SPHKAP: variants seen among roughly 807,000 people sequenced by gnomAD.
SPHKAP encodes A-kinase anchor protein SPHKAP.
A neutral mutation model predicts 137.5 loss-of-function variants in SPHKAP; 67 were observed. That is an observed-to-expected ratio of 0.49 (90% CI 0.40 to 0.60). The LOEUF (loss-of-function observed/expected upper bound fraction) is 0.60, where lower values mean the gene tolerates loss of function less well. Ranked by LOEUF, SPHKAP falls within the 20% of genes least tolerant of loss-of-function variation. SPHKAP has a pLI of 0.00. For synonymous variants in SPHKAP, 813 were observed against 785.3 expected, an observed-to-expected ratio of 1.04 and a Z score of -0.59; for missense variants, 2,097 against 2,069.3, an observed-to-expected ratio of 1.01 and a Z score of -0.26.
intron 2 of SPHKAP, among the ~76,000 whole-genome samples, chr2:228,121,902 G>A (rs1371436537): frequency 6.6e-6 from 1 of 152,130 alleles, no homozygotes; most frequent in African/African-American, 2.4e-5. Context: ...AGTCTGGCAG[G>A]ATATGAGAAA....
rs148966662 is a variant in SPHKAP, at chr2:227,981,770, C to T, written c.5050G>A (p.Glu1684Lys). The T allele has an allele frequency of 3.7e-5, 59 of 1,613,970 alleles. No homozygotes were observed. The highest frequency in any genetic ancestry group is 4.5e-5 in the Non-Finnish European group (53 of 1,179,856). Residue 1684 changes from glutamate to lysine, a missense_variant, in exon 12 of 12, where the codon GAG becomes AAG. Coordinates refer to ENST00000392056, the MANE Select transcript of SPHKAP (RefSeq NM_001142644.2). ...AGACTCAGTCTCCCATCCTTCTGCT[C>T]CTCATGCATTTTGCAGTACTGGACA... is the stretch of plus-strand genomic sequence containing the variant. Reference protein sequence around the residue: ...AVVQYCKMHEEQKDGRLSLFD... With the variant: ...AVVQYCKMHEKQKDGRLSLFD...
intron 7 of SPHKAP, among the ~76,000 whole-genome samples, chr2:228,004,494 T>G (rs545351515): frequency 2.6e-5 from 4 of 152,352 alleles, no homozygotes; most frequent in Admixed American, 1.3e-4. Context: ...TTGTTGATCT[T>G]TTCAAAAAAT....
intron 3 of SPHKAP, among the ~76,000 whole-genome samples, chr2:228,088,710 A>T (rs959804382): frequency 2.6e-5 from 4 of 152,088 alleles, no homozygotes; most frequent in African/African-American, 9.7e-5. Flanking sequence ...GTGAGTTCTC[A>T]GTTTATATGA....
rs555492650 is a variant in SPHKAP at position 228,029,374 on chromosome 2, G to A, written c.247-1831C>T. 5.3e-5 allele frequency among the ~76,000 whole-genome samples: 8 copies of A among 152,266 alleles called. No individual in the cohort carries two copies. The South Asian group carries it at 1.7e-3, about 32-fold the overall frequency. ...TTTGAGGTTAAAAAAATAATGGAAA[G>A]GTTTTGAGAAAGATCTTAAAAACTG... On this transcript the variant is annotated intron_variant, in intron 3 of 11. Coordinates refer to ENST00000392056, the MANE Select transcript of SPHKAP (RefSeq NM_001142644.2).
intron 3 of SPHKAP, among the ~76,000 whole-genome samples, chr2:228,075,844 A>G (rs889187867): frequency 5.9e-5 from 9 of 152,234 alleles, no homozygotes; most frequent in Admixed American, 1.3e-4. Context: ...AATTGTTATG[A>G]AAAGGTTGTT....
intron 3 of SPHKAP, among the ~76,000 whole-genome samples, chr2:228,102,411 T>C (rs181427633): frequency 8.4e-4 from 128 of 152,336 alleles, no homozygotes; most frequent in Non-Finnish European, 1.5e-3. Flanking sequence ...TATTAATTAT[T>C]GGGAGTCTCA....
intron 1 of SPHKAP, chr2:228,173,105 A>G (rs1700634618): frequency 1.0e-6 from 1 of 983,986 alleles, no homozygotes; most frequent in Admixed American, 6.2e-5. Flanking sequence ...TAGTTGTTTC[A>G]GCTCAGGCAC....
At chr2:228,131,057 C>A (rs1445214085) in intron 2 of SPHKAP, among the ~76,000 whole-genome samples, 1 of 151,934 alleles carries the variant, frequency 6.6e-6, no homozygotes. Context: ...ACAAAAGTCA[C>A]ACAAGCAGAG....
intron 3 of SPHKAP, among the ~76,000 whole-genome samples, chr2:228,073,644 C>A (rs1354541884): frequency 3.9e-5 from 6 of 152,180 alleles, no homozygotes; most frequent in Non-Finnish European, 8.8e-5. Context: ...AACTGTGCTG[C>A]AACCTTTTCC....
intron 3 of SPHKAP, among the ~76,000 whole-genome samples, chr2:228,084,883 A>G (rs1359949319): frequency 6.6e-6 from 1 of 152,228 alleles, no homozygotes; most frequent in African/African-American, 2.4e-5. Flanking sequence ...TTGAGTTGTC[A>G]TAAGAGTGGT....
chr2:228,067,519 C>G (rs1015840322), intron 3 of SPHKAP, among the ~76,000 whole-genome samples: 3 of 152,128 alleles, frequency 2.0e-5, no homozygotes, highest in Admixed American at 6.5e-5. Context: ...AACAGCCAGC[C>G]ATCAGCAAGA....
At chr2:228,060,163 A>G (rs1271467704) in intron 3 of SPHKAP, among the ~76,000 whole-genome samples, 4 of 152,206 alleles carry the variant, frequency 2.6e-5, no homozygotes, top group African/African-American at 9.6e-5. Context: ...AATAGGATAG[A>G]AGGGATATGT....
intron 1 of SPHKAP, among the ~76,000 whole-genome samples, chr2:228,159,367 T>C (rs1049926608): frequency 2.6e-5 from 4 of 152,154 alleles, no homozygotes; most frequent in Non-Finnish European, 5.9e-5. Flanking sequence ...GTTTGTTAAC[T>C]GGCCTTATCT....
Position 228,086,855 on chromosome 2 carries a change from C to T in SPHKAP, c.246+21977G>A, listed in dbSNP as rs184741577. The stretch of plus-strand genomic sequence containing the variant: ...AGTTAATTAAGAGCAGCAAATTAAG[C>T]CATTGGCCAGCTAGTGCCCTAAAGA... On this transcript the variant is annotated intron_variant, in intron 3 of 11. Transcript: ENST00000392056. Among the ~76,000 whole-genome samples, 276 of 152,250 alleles carry T rather than the reference C, an allele frequency of 1.8e-3. 1 individual carries two copies. Among genetic ancestry groups the T allele is most frequent in the Non-Finnish European group, 3.0e-3 (204 of 68,012 alleles).
At chr2:228,031,729 C>T (rs934440178) in intron 3 of SPHKAP, among the ~76,000 whole-genome samples, 2 of 152,066 alleles carry the variant, frequency 1.3e-5, no homozygotes, top group African/African-American at 4.8e-5. Flanking sequence ...TGTTCTACAG[C>T]CACCGCTGTT....
At chr2:228,048,343 G>T (rs571187375) in intron 3 of SPHKAP, among the ~76,000 whole-genome samples, 3 of 144,984 alleles carry the variant, frequency 2.1e-5, no homozygotes, top group Admixed American at 6.9e-5. Flanking sequence ...GGTGAAACGG[G>T]GGGGTGGAGA....
At chr2:228,116,574 A>G (rs985659270) in intron 2 of SPHKAP, among the ~76,000 whole-genome samples, 7 of 152,244 alleles carry the variant, frequency 4.6e-5, no homozygotes, top group Admixed American at 3.9e-4. Context: ...CTTTAACTTC[A>G]ATTGACTAAC....
At position 228,019,556 on chromosome 2, in the gene SPHKAP, T is replaced by C. The variant is rs1175293941; in HGVS notation, c.1298A>G (p.Tyr433Cys). Residue 433 changes from tyrosine to cysteine, a missense_variant, in exon 7 of 12, where the codon TAT becomes TGT. Coordinates refer to ENST00000392056, the MANE Select transcript of SPHKAP (RefSeq NM_001142644.2). The stretch of plus-strand genomic sequence containing the variant: ...AGAAACCACTGTATCTTTTGTGGAA[T>C]AGCAACTGGGAAGCAGAGAACTTCC... ...SVGSSLLPSC[Y>C]STKDTVVSRS... is the part of the protein sequence containing the mutation. The C allele has an allele frequency of 2.5e-6, 4 of 1,614,226 alleles. 1 individual carries two copies. Among genetic ancestry groups the C allele is most frequent in the African/African-American group, 2.7e-5 (2 of 75,072 alleles).
chr2:228,113,010 G>A (rs1205819328), intron 2 of SPHKAP, among the ~76,000 whole-genome samples: 1 of 152,042 alleles, frequency 6.6e-6, no homozygotes, highest in African/African-American at 2.4e-5. Flanking sequence ...AGCAGAATAA[G>A]GAACTGGAAT....
Sources: gnomAD v4.1 joint callset for allele counts (sites outside exome capture counted in the v4.1 genomes callset) on GRCh38, gnomAD v4.1.1 for gene constraint, MANE v1.5 for transcripts, NCBI Gene and HGNC (gene_info 2026-07-23, HGNC 2026-07-21) for gene names.